ERBB4: variants seen among roughly 807,000 people sequenced by gnomAD.
The protein encoded by ERBB4 is erb-b2 receptor tyrosine kinase 4, also known as receptor tyrosine-protein kinase erbB-4.
Under a neutral mutation model 158.0 loss-of-function variants are expected in ERBB4, and 42 were observed. That is an observed-to-expected ratio of 0.27 (90% CI 0.21 to 0.34). ERBB4 has a LOEUF of 0.34. ERBB4 is among the 10% of genes least tolerant of loss of function. The pLI is 1.00. For synonymous variants in ERBB4, 583 were observed against 558.7 expected (o/e 1.04, Z -0.61); for missense variants, 1,333 against 1,624.1 (o/e 0.82, Z 3.08).
rs552725132 is a variant in ERBB4, at chr2:211,563,713, T to C, written c.2302-1625A>G. Among the ~76,000 whole-genome samples the C allele has an allele frequency of 2.6e-5, 4 of 152,318 alleles. No homozygotes were observed. In the South Asian group the frequency reaches 6.2e-4, roughly 24 times the overall value. On this transcript the variant is annotated intron_variant, in intron 19 of 27. Coordinates refer to ENST00000342788, the MANE Select transcript of ERBB4 (RefSeq NM_005235.3). The stretch of plus-strand genomic sequence containing the variant: ...ATCTTAGAAGATCCTGAAGTCTTTA[T>C]AGATGAACTATCTTGTGTCTGCCAT...
At chr2:212,195,550 T>C (rs2082401876) in intron 1 of ERBB4, among the ~76,000 whole-genome samples, 1 of 152,048 alleles carries the variant, frequency 6.6e-6, no homozygotes, top group Non-Finnish European at 1.5e-5. Flanking sequence ...TAAATCAATT[T>C]AGGCTTCCTA....
At chr2:211,776,926 C>T (rs2075891486) in intron 4 of ERBB4, among the ~76,000 whole-genome samples, 1 of 152,180 alleles carries the variant, frequency 6.6e-6, no homozygotes, top group South Asian at 2.1e-4. Context: ...TAGAAAATTA[C>T]ATCAATTGAG....
At chr2:211,508,697 G>C (rs2065811063) in intron 20 of ERBB4, among the ~76,000 whole-genome samples, 1 of 152,066 alleles carries the variant, frequency 6.6e-6, no homozygotes, top group South Asian at 2.1e-4. Context: ...TCTACTATAA[G>C]GTCACATGCA....
Position 212,538,733 on chromosome 2 carries a change from AGTGTGAGCGC to A in ERBB4, c.-213_-204del, listed in dbSNP as rs1257431473. On this transcript the variant is annotated 5_prime_UTR_variant, in exon 1 of 28. Coordinates refer to ENST00000342788, the MANE Select transcript of ERBB4 (RefSeq NM_005235.3). ...AGGGCCGGGGCCCGAGGAGGGGGCGAGTGTGAGCGCGTGTGTGCGCGTGTGGGAGTGTGCT... is the reference window on the plus strand; with the variant it reads ...AGGGCCGGGGCCCGAGGAGGGGGCGAGTGTGTGCGCGTGTGGGAGTGTGCT... The A allele has an allele frequency of 5.0e-5, 20 of 403,862 alleles. No homozygotes were observed. Among genetic ancestry groups the A allele is most frequent in the African/African-American group, 2.2e-5 (1 of 46,366 alleles). The allele number at this position is 403,862 out of a possible 1,614,324, so 25.0% of individuals were successfully genotyped here.
intron 1 of ERBB4, among the ~76,000 whole-genome samples, chr2:212,133,098 T>G (rs1487482201): frequency 1.3e-5 from 2 of 152,090 alleles, no homozygotes; most frequent in Non-Finnish European, 2.9e-5. Context: ...ACTTAAAATT[T>G]TTTGGTTCTG....
intron 2 of ERBB4, among the ~76,000 whole-genome samples, chr2:212,068,755 C>G (rs944891049): frequency 2.0e-5 from 3 of 152,056 alleles, no homozygotes; most frequent in Non-Finnish European, 2.9e-5. Flanking sequence ...AATACTGATT[C>G]TATTTCATGG....
chr2:212,110,605 T>C (rs921694095), intron 2 of ERBB4, among the ~76,000 whole-genome samples: 1 of 152,218 alleles, frequency 6.6e-6, no homozygotes, highest in African/African-American at 2.4e-5. Context: ...TAACTGATAA[T>C]AGGAAAAATT....
chr2:211,438,005 ATAAGGAGGCTCAG>A (rs1391133923), intron 20 of ERBB4, among the ~76,000 whole-genome samples: 1 of 152,192 alleles, frequency 6.6e-6, no homozygotes, highest in Non-Finnish European at 1.5e-5. Flanking sequence ...TAAAGGGAAT[ATAAGGAGGCTCAG>A]TAATGGAATC....
chr2:212,320,168 G>A (rs1194232806), intron 1 of ERBB4, among the ~76,000 whole-genome samples: 2 of 148,292 alleles, frequency 1.3e-5, no homozygotes, highest in African/African-American at 2.5e-5. Flanking sequence ...TGTTCTGACT[G>A]GGTAAATCTA....
At chr2:212,047,698 G>T (rs141189957) in intron 2 of ERBB4, among the ~76,000 whole-genome samples, 1 of 149,598 alleles carries the variant, frequency 6.7e-6, no homozygotes, top group African/African-American at 2.5e-5. Flanking sequence ...TGCCCAGGCT[G>T]GTCTCGAACT....
intron 16 of ERBB4, among the ~76,000 whole-genome samples, chr2:211,641,524 T>C (rs1028265419): frequency 2.0e-5 from 3 of 152,132 alleles, no homozygotes; most frequent in Non-Finnish European, 4.4e-5. Context: ...TCATTGCTAA[T>C]TCTTGTGCCT....
chr2:211,773,063 A>T (rs1475785823), intron 4 of ERBB4, among the ~76,000 whole-genome samples: 1 of 149,160 alleles, frequency 6.7e-6, no homozygotes, highest in East Asian at 2.0e-4. Flanking sequence ...GGATTACAGC[A>T]TGAGCCACCA....
intron 1 of ERBB4, among the ~76,000 whole-genome samples, chr2:212,443,722 G>A (rs1300392948): frequency 6.6e-6 from 1 of 152,242 alleles, no homozygotes; most frequent in Non-Finnish European, 1.5e-5. Flanking sequence ...TGAAGTATCA[G>A]TGGCAAATAG....
chr2:211,874,996 C>A (rs1207900734), intron 3 of ERBB4, among the ~76,000 whole-genome samples: 1 of 110,194 alleles, frequency 9.1e-6, no homozygotes, highest in Admixed American at 1.4e-4. Flanking sequence ...TAAGCTAAGG[C>A]TTGTATTGTC....
chr2:211,782,044 G>C (rs761766607), intron 4 of ERBB4, among the ~76,000 whole-genome samples: 2 of 152,082 alleles, frequency 1.3e-5, no homozygotes, highest in East Asian at 1.9e-4. Flanking sequence ...TTTTGACAGC[G>C]GTTTTCCTTA....
intron 1 of ERBB4, among the ~76,000 whole-genome samples, chr2:212,192,042 A>ATATGT (rs368168173): frequency 6.1e-5 from 3 of 48,802 alleles, no homozygotes; most frequent in Non-Finnish European, 1.3e-4. Flanking sequence ...TATATGTTAT[A>ATATGT]TATATGTTAT....
chr2:211,613,198 A>T (rs1194288445), intron 19 of ERBB4, among the ~76,000 whole-genome samples: 1 of 152,028 alleles, frequency 6.6e-6, no homozygotes, highest in Non-Finnish European at 1.5e-5. Flanking sequence ...TTGCATTGAG[A>T]TATTTCAATA....
In ERBB4 at chr2:211,482,223, AC is replaced by A. The variant is rs535929755; in HGVS notation, c.2488-51124del. Among the ~76,000 whole-genome samples, 17 of 152,346 alleles carry A rather than the reference AC, an allele frequency of 1.1e-4. No homozygotes were observed. The East Asian group carries it at 3.3e-3, about 29-fold the overall frequency. On this transcript the variant is annotated intron_variant, in intron 20 of 27. Coordinates refer to ENST00000342788, the MANE Select transcript of ERBB4 (RefSeq NM_005235.3). ...ACATGGATGTGAAGAAACTATCCAA[AC>A]CCAGGTGAAGAATCATCCAAATTTA...
intron 20 of ERBB4, among the ~76,000 whole-genome samples, chr2:211,556,038 G>A (rs528137236): frequency 3.3e-5 from 5 of 152,220 alleles, no homozygotes; most frequent in Admixed American, 1.3e-4. Flanking sequence ...GCTGGATAAC[G>A]AGACCCAACT....
Sources: gnomAD v4.1 joint callset for allele counts (sites outside exome capture counted in the v4.1 genomes callset) on GRCh38, gnomAD v4.1.1 for gene constraint, MANE v1.5 for transcripts, NCBI Gene and HGNC (gene_info 2026-07-23, HGNC 2026-07-21) for gene names.